PIK3R4: variants seen among roughly 807,000 people sequenced by gnomAD.
PIK3R4 encodes the protein phosphoinositide 3-kinase regulatory subunit 4.
Under a neutral mutation model 136.5 loss-of-function variants are expected in PIK3R4, and 46 were observed. The ratio of observed to expected loss-of-function variants is 0.34; its 90% confidence interval spans 0.27 to 0.43. The LOEUF (loss-of-function observed/expected upper bound fraction) is 0.43, where lower values mean the gene tolerates loss of function less well. PIK3R4 is among the 20% of genes least tolerant of loss of function. The probability of loss-of-function intolerance (pLI) is 1.00; values close to 1 mark genes in which losing one functional copy is unlikely to be tolerated. For synonymous variants in PIK3R4, 557 were observed against 566.7 expected (o/e 0.98, Z 0.24); for missense variants, 1,331 against 1,649.5 (o/e 0.81, Z 3.35).
chr3:130,723,754 G>A (rs934717257), intron 6 of PIK3R4, 167 bp from the exon 7 acceptor site: 26 of 506,578 alleles, frequency 5.1e-5, no homozygotes, highest in Admixed American at 1.2e-4. Flanking sequence ...CCACAGCAAG[G>A]CAAATCATCA....
At position 130,688,491 on chromosome 3, in the gene PIK3R4, C is replaced by T. The variant is rs962248361; in HGVS notation, c.3263+1999G>A. 3.3e-5 allele frequency among the ~76,000 whole-genome samples: 5 copies of T among 152,346 alleles called. No individual in the cohort carries two copies. In the South Asian group the frequency reaches 6.2e-4, roughly 19 times the overall value. On this transcript the variant is annotated intron_variant, in intron 14 of 19. Coordinates refer to ENST00000356763, the MANE Select transcript of PIK3R4 (RefSeq NM_014602.3). ...AGACTGCATTCCATCTTTCCCCTTA[C>T]ATCCTGGTTAACTTTTTAAATTTTA...
chr3:130,700,471 A>G (rs2066568719), intron 13 of PIK3R4, among the ~76,000 whole-genome samples: 1 of 152,230 alleles, frequency 6.6e-6, no homozygotes, highest in Non-Finnish European at 1.5e-5. Context: ...TACTATAAAC[A>G]AATAAGTTGA....
intron 13 of PIK3R4, among the ~76,000 whole-genome samples, chr3:130,693,152 GCATGTAGCAGTACTT>G (rs1283663386): frequency 6.6e-6 from 1 of 152,136 alleles, no homozygotes; most frequent in Non-Finnish European, 1.5e-5. Flanking sequence ...TCACATTATA[GCATGTAGCAGTACTT>G]CATTCCGTTT....
At chr3:130,725,263 G>A (rs1203080354) in intron 6 of PIK3R4, among the ~76,000 whole-genome samples, 1 of 151,420 alleles carries the variant, frequency 6.6e-6, no homozygotes, top group Non-Finnish European at 1.5e-5. Context: ...ATGAGTACAA[G>A]AAGAGAAAAA....
At chr3:130,733,344 T>C (rs953797227) in intron 4 of PIK3R4, among the ~76,000 whole-genome samples, 1 of 152,196 alleles carries the variant, frequency 6.6e-6, no homozygotes, top group African/African-American at 2.4e-5. Flanking sequence ...ACTTGATAAT[T>C]CTGATCATTT....
At chr3:130,731,217 AC>A (rs1266792380) in intron 4 of PIK3R4, among the ~76,000 whole-genome samples, 2 of 152,214 alleles carry the variant, frequency 1.3e-5, no homozygotes, top group African/African-American at 4.8e-5. Flanking sequence ...ACATATGATC[AC>A]AACCGGTCAA....
chr3:130,717,028 TA>T (rs1281538057), intron 8 of PIK3R4, among the ~76,000 whole-genome samples: 1 of 152,220 alleles, frequency 6.6e-6, no homozygotes, highest in Admixed American at 6.5e-5. Context: ...CAACCACTTC[TA>T]AAAAACATTG....
intron 14 of PIK3R4, among the ~76,000 whole-genome samples, chr3:130,689,005 G>A (rs1431415897): frequency 6.6e-6 from 1 of 152,202 alleles, no homozygotes. Flanking sequence ...CCATTGAGGA[G>A]TGATGAAAAA....
At position 130,735,867 on chromosome 3, in the gene PIK3R4, A is replaced by T; in HGVS notation, c.867+2T>A. 1 of 1,606,306 alleles carries T rather than the reference A, an allele frequency of 6.2e-7. No individual in the cohort carries two copies. The highest frequency in any genetic ancestry group is 1.1e-5 in the South Asian group (1 of 89,562). The stretch of plus-strand genomic sequence containing the variant: ...TATGGCGAATATTTGTAGCATAGTT[A>T]CCAATTCTCTGATACTGTGATCTTC... On this transcript the variant is annotated splice_donor_variant, in intron 3 of 19. Transcript: ENST00000356763. LOFTEE classifies it high-confidence loss of function.
intron 14 of PIK3R4, among the ~76,000 whole-genome samples, chr3:130,689,439 T>G (rs72998211): frequency 0.015 from 2,360 of 152,316 alleles, 87 homozygotes; most frequent in African/African-American, 0.053. Context: ...TAGGCTGGTA[T>G]TTGTTATTAA....
chr3:130,711,250 C>T (rs969897246), intron 9 of PIK3R4, among the ~76,000 whole-genome samples: 1 of 152,110 alleles, frequency 6.6e-6, no homozygotes, highest in African/African-American at 2.4e-5. Context: ...CACAGACACA[C>T]ACTTTTCAGG....
intron 9 of PIK3R4, 88 bp downstream of exon 9, chr3:130,716,308 T>C: frequency 9.6e-7 from 1 of 1,045,510 alleles, no homozygotes; most frequent in Non-Finnish European, 1.5e-6. Context: ...ATCTAATCAA[T>C]CAAAAACATT....
At chr3:130,729,942 T>C (rs992123484) in intron 5 of PIK3R4, among the ~76,000 whole-genome samples, 26 of 152,144 alleles carry the variant, frequency 1.7e-4, no homozygotes, top group African/African-American at 5.3e-4. Context: ...ATAAAAACAA[T>C]TTATGATTGA....
rs56295394 is a variant in PIK3R4, at chr3:130,733,973, C to T, written c.1025G>A (p.Arg342His). 616 of 1,614,076 alleles carry T rather than the reference C, an allele frequency of 3.8e-4. 1 individual carries two copies. Among genetic ancestry groups the T allele is most frequent in the Non-Finnish European group, 4.9e-4 (576 of 1,179,998 alleles). The change falls in exon 4 of 20, where the codon CGT becomes CAT. Residue 342 changes from arginine (R) to histidine (H), a missense_variant. Physicochemically the swap from Arg to His is conservative, Grantham distance 29. Coordinates refer to ENST00000356763, the MANE Select transcript of PIK3R4 (RefSeq NM_014602.3). ...CAAATCCTTCCGTATAACCAGAATACGCTCATCTGCAGAAAGAAACGTTTC... is the reference window on the plus strand; with the variant it reads ...CAAATCCTTCCGTATAACCAGAATATGCTCATCTGCAGAAAGAAACGTTTC... Reference protein sequence around the residue: ...AKETFLSADERILVIRKDLGN... With the variant: ...AKETFLSADEHILVIRKDLGN...
chr3:130,734,201 A>T, intron 3 of PIK3R4, 71 bp from the exon 4 acceptor site: 1 of 1,248,150 alleles, frequency 8.0e-7, no homozygotes, highest in Non-Finnish European at 1.1e-6. Context: ...AAAGCTACAA[A>T]GGCAATTTAC....
At chr3:130,720,948 G>C (rs1055236688) in intron 7 of PIK3R4, among the ~76,000 whole-genome samples, 7 of 152,080 alleles carry the variant, frequency 4.6e-5, no homozygotes, top group African/African-American at 1.7e-4. Context: ...GAGGCCAGAA[G>C]ATAGCTTGAG....
In PIK3R4 at chr3:130,735,903, A is replaced by G; in HGVS notation, c.833T>C (p.Leu278Pro). 1 of 1,612,460 alleles carries G rather than the reference A, an allele frequency of 6.2e-7. No individual in the cohort carries two copies. The highest frequency in any genetic ancestry group is 8.5e-7 in the Non-Finnish European group (1 of 1,179,466). Residue 278 changes from leucine to proline, a missense_variant, in exon 3 of 20, where the codon CTA becomes CCA. Physicochemically the swap from Leu to Pro is moderately conservative, Grantham distance 98. Around this residue, in one of 2 missense-constraint regions of PIK3R4, gnomAD observed 1,180 missense variants for 1,407.0 expected, o/e 0.84. Coordinates refer to ENST00000356763, the MANE Select transcript of PIK3R4 (RefSeq NM_014602.3). ...RNGHFFPEQVLNKIEDHSIRE... is the reference protein window; with the variant it reads ...RNGHFFPEQVPNKIEDHSIRE... ...GATACTGTGATCTTCAATTTTATTT[A>G]GCACTTGTTCAGGGAAAAAATGTCC...
chr3:130,705,459 T>C, intron 12 of PIK3R4, 102 bp downstream of exon 12: 2 of 735,478 alleles, frequency 2.7e-6, no homozygotes, highest in Non-Finnish European at 2.3e-6. Context: ...ACATTTTTGT[T>C]CTTACCTCTT....
intron 7 of PIK3R4, among the ~76,000 whole-genome samples, chr3:130,719,366 A>G (rs2066685749): frequency 6.6e-6 from 1 of 152,200 alleles, no homozygotes. Context: ...ATCTTCTAAT[A>G]TTTATTTAGT....
Sources: allele counts gnomAD v4.1 joint callset (sites outside exome capture counted in the v4.1 genomes callset), GRCh38; gene constraint gnomAD v4.1.1; regional missense constraint gnomAD v4.1.1; transcripts MANE v1.5; gene names NCBI Gene and HGNC (gene_info 2026-07-23, HGNC 2026-07-21).